The following PCDHGA4 variants were observed in gnomAD, a reference collection of about 807,000 sequenced individuals.
PCDHGA4 encodes protocadherin gamma-A4.
A neutral mutation model predicts 54.6 loss-of-function variants in PCDHGA4; 38 were observed. The ratio of observed to expected loss-of-function variants is 0.70; its 90% CI spans 0.54 to 0.91. The LOEUF (loss-of-function observed/expected upper bound fraction) is 0.91, where lower values mean the gene tolerates loss of function less well. Among genes scored for constraint, PCDHGA4 ranks in the 40% least tolerant of loss-of-function variants. The pLI is 0.00. For missense variants in PCDHGA4, 1,298 were observed against 1,220.9 expected (o/e 1.06, Z -0.94); for synonymous variants, 511 against 512.9 (o/e 1.00, Z 0.05).
chr5:141,507,263 T>C (rs755395344), intron 3 of PCDHGA4: 1 of 152,038 alleles, frequency 6.6e-6, no homozygotes, highest in Non-Finnish European at 1.5e-5. Flanking sequence ...AAACAGCAAG[T>C]ACTATTTCAG....
chr5:141,473,700 C>G (rs1474416849), intron 1 of PCDHGA4, among the ~76,000 whole-genome samples: 1 of 152,148 alleles, frequency 6.6e-6, no homozygotes, highest in Non-Finnish European at 1.5e-5. Context: ...GACCACCCTC[C>G]AAGTGGTGCA....
At chr5:141,418,077 T>G (rs770464447) in intron 1 of PCDHGA4, 4 of 1,613,914 alleles carry the variant, frequency 2.5e-6, no homozygotes, top group African/African-American at 1.3e-5. Context: ...GCGGAGAAGC[T>G]GCACTTCAGC....
intron 1 of PCDHGA4, chr5:141,430,973 A>G: frequency 6.2e-7 from 1 of 1,613,266 alleles, no homozygotes; most frequent in East Asian, 2.2e-5. Flanking sequence ...CAGAGGTAGG[A>G]CGCAGCTTTT....
At chr5:141,498,194 T>C (rs1014641829) in intron 2 of PCDHGA4, among the ~76,000 whole-genome samples, 16 of 152,254 alleles carry the variant, frequency 1.1e-4, no homozygotes, top group African/African-American at 3.6e-4. Context: ...ATTAACCAGC[T>C]AAAGAAAAGA....
intron 1 of PCDHGA4, chr5:141,365,002 C>A: frequency 6.2e-7 from 1 of 1,613,918 alleles, no homozygotes; most frequent in African/African-American, 1.3e-5. Flanking sequence ...TACTCTCCGG[C>A]ACCACGCACA....
At chr5:141,394,519 C>A (rs1462431722) in intron 1 of PCDHGA4, 1 of 1,614,240 alleles carries the variant, frequency 6.2e-7, no homozygotes, top group South Asian at 1.1e-5. Context: ...GCCCTCCCCA[C>A]AGACGGTTCC....
intron 1 of PCDHGA4, chr5:141,427,962 G>C (rs767684725): frequency 5.0e-6 from 8 of 1,589,982 alleles, no homozygotes; most frequent in Non-Finnish European, 6.9e-6. Flanking sequence ...TGTGCCGCGG[G>C]TGCTGTACCC....
intron 1 of PCDHGA4, chr5:141,393,188 T>C: frequency 6.2e-7 from 1 of 1,613,358 alleles, no homozygotes; most frequent in South Asian, 1.1e-5. Context: ...AAATAATTGA[T>C]ATTAACGATA....
chr5:141,403,217 A>G (rs763517467), intron 1 of PCDHGA4: 10 of 1,613,810 alleles, frequency 6.2e-6, no homozygotes, highest in East Asian at 2.2e-5. Context: ...CACCGCGGGT[A>G]GGATAGACCG....
chr5:141,371,611 CAGAT>C, intron 1 of PCDHGA4: 1 of 1,613,996 alleles, frequency 6.2e-7, no homozygotes, highest in African/African-American at 1.3e-5. Context: ...AGGTTGGTGA[CAGAT>C]GGAGCCCTGG....
intron 1 of PCDHGA4, chr5:141,419,610 C>G: frequency 1.9e-6 from 3 of 1,612,130 alleles, no homozygotes; most frequent in Middle Eastern, 1.8e-4. Flanking sequence ...GCCGCGCAGC[C>G]AGGCTACCTG....
At chr5:141,389,141 C>G (rs919430175) in intron 1 of PCDHGA4, 1 of 1,613,878 alleles carries the variant, frequency 6.2e-7, no homozygotes, top group African/African-American at 1.3e-5. Context: ...ACAATATAAC[C>G]GTTACGGCAA....
chr5:141,434,906 C>A lies in PCDHGA4; in HGVS notation c.2515-59901C>A, dbSNP rs1044434492. ...AACAATCCAGTCCCCTTCCCTCATA[C>A]CTTATTTATGTACATATATTTTATA... On this transcript the variant is annotated intron_variant, in intron 1 of 3. Coordinates refer to ENST00000571252, the MANE Select transcript of PCDHGA4 (RefSeq NM_018917.4). Among the ~76,000 whole-genome samples the A allele has an allele frequency of 2.0e-5, 3 of 151,752 alleles. No individual in the cohort carries two copies. In the South Asian group the frequency reaches 6.2e-4, roughly 32 times the overall value.
At chr5:141,394,705 C>G (rs1245348426) in intron 1 of PCDHGA4, 9 of 1,613,256 alleles carry the variant, frequency 5.6e-6, no homozygotes, top group Non-Finnish European at 7.6e-6. Flanking sequence ...ACGGCGCGAG[C>G]CCTGCTGGAC....
Position 141,486,563 on chromosome 5 carries a change from G to T in PCDHGA4, c.2515-8244G>T, listed in dbSNP as rs558244990. Reference sequence around the variant, plus strand: ...CTTTCAGAGGTCACATGAGGTGTTTGTTCCTGAGAACAATCGCCCAGGGGA... The same window carrying T: ...CTTTCAGAGGTCACATGAGGTGTTTTTTCCTGAGAACAATCGCCCAGGGGA... On this transcript the variant is annotated intron_variant, in intron 1 of 3. Transcript: ENST00000571252. The surrounding 1 kb of genome is among the most constrained non-coding windows in gnomAD (Gnocchi z 5.0). The T allele has an allele frequency of 4.3e-6, 7 of 1,614,006 alleles. No individual in the cohort carries two copies. The highest frequency in any genetic ancestry group is 4.0e-5 in the African/African-American group (3 of 75,054).
chr5:141,398,017 A>AAACTGG (rs1270977201), intron 1 of PCDHGA4: 25 of 1,422,582 alleles, frequency 1.8e-5, no homozygotes, highest in Non-Finnish European at 2.2e-5. Context: ...ATCGTTTCCT[A>AAACTGG]AACTGGAACT....
intron 1 of PCDHGA4, chr5:141,410,167 T>C (rs372848702): frequency 6.2e-7 from 1 of 1,613,652 alleles, no homozygotes; most frequent in African/African-American, 1.3e-5. Context: ...CGCCACTCTC[T>C]GCCACCGCCA....
intron 1 of PCDHGA4, among the ~76,000 whole-genome samples, chr5:141,459,759 G>A (rs1164466104): frequency 7.2e-5 from 11 of 152,206 alleles, no homozygotes; most frequent in Non-Finnish European, 2.9e-5. Context: ...TCTAGTGGGT[G>A]TGTGATACTA....
Position 141,486,534 on chromosome 5 carries a change from C to G in PCDHGA4, c.2515-8273C>G. The stretch of plus-strand genomic sequence containing the variant: ...TCAGATGTGAATGATAATCCACCCT[C>G]TTTCTTTCAGAGGTCACATGAGGTG... On this transcript the variant is annotated intron_variant, in intron 1 of 3. Transcript: ENST00000571252. The surrounding 1 kb of genome is among the most constrained non-coding windows in gnomAD (Gnocchi z 5.0). 1 of 1,614,176 alleles carries G rather than the reference C, an allele frequency of 6.2e-7. No individual in the cohort carries two copies. Among genetic ancestry groups the G allele is most frequent in the Non-Finnish European group, 8.5e-7 (1 of 1,180,030 alleles).
Sources: allele counts gnomAD v4.1 joint callset (sites outside exome capture counted in the v4.1 genomes callset), GRCh38; gene constraint gnomAD v4.1.1; non-coding constraint Gnocchi (gnomAD v3.1); transcripts MANE v1.5; gene names NCBI Gene and HGNC (gene_info 2026-07-23, HGNC 2026-07-21).